The following DTNA variants were observed in gnomAD, a reference collection of about 807,000 sequenced individuals.
DTNA encodes dystrobrevin alpha, also known as dystrophin-related protein 3.
In DTNA, 43 loss-of-function variants were observed where a neutral mutation model predicts 100.7. The observed-to-expected ratio is 0.43, with a 90% CI of 0.33 to 0.55. DTNA has a LOEUF of 0.55. DTNA is among the 20% of genes least tolerant of loss of function. The pLI is 0.04. For missense variants in DTNA, 798 were observed against 953.9 expected (o/e 0.84, Z 2.15); for synonymous variants, 349 against 347.9 (o/e 1.00, Z -0.04).
At chr18:34,541,872 A>G (rs1312828297) in intron 1 of DTNA, among the ~76,000 whole-genome samples, 1 of 152,072 alleles carries the variant, frequency 6.6e-6, no homozygotes, top group Non-Finnish European at 1.5e-5. Context: ...AGAGTAAAAA[A>G]GCTGCAAGGT....
intron 17 of DTNA, among the ~76,000 whole-genome samples, chr18:34,874,889 T>C (rs943444123): frequency 3.9e-5 from 6 of 152,204 alleles, no homozygotes; most frequent in Admixed American, 6.5e-5. Context: ...CTCCTTAATG[T>C]CTTCTTAGTC....
At chr18:34,830,049 C>T (rs993584716) in intron 11 of DTNA, among the ~76,000 whole-genome samples, 7 of 152,094 alleles carry the variant, frequency 4.6e-5, no homozygotes, top group Non-Finnish European at 1.0e-4. Context: ...CTTGATAATG[C>T]TGGTGGTGAA....
chr18:34,697,950 A>G (rs1273747450), intron 1 of DTNA, among the ~76,000 whole-genome samples: 1 of 152,208 alleles, frequency 6.6e-6, no homozygotes, highest in African/African-American at 2.4e-5. Context: ...CATCCTCAGC[A>G]TGTGAAAAGA....
At chr18:34,745,656 G>A (rs370309617) in intron 1 of DTNA, among the ~76,000 whole-genome samples, 1 of 152,120 alleles carries the variant, frequency 6.6e-6, no homozygotes, top group Non-Finnish European at 1.5e-5. Flanking sequence ...TTTGCAGGTC[G>A]CCAGCAAGCT....
rs754959223 is a variant in DTNA at position 34,879,714 on chromosome 18, C to T, written c.2157C>T (p.Gly719=). The T allele has an allele frequency of 2.1e-5, 34 of 1,613,880 alleles. No homozygotes were observed. The highest frequency in any genetic ancestry group is 8.9e-5 in the East Asian group (4 of 44,878). ...HSGATTSTMR[G]DMVTEDADPY... ...GAGCTACCACAAGTACCATGCGTGG[C>T]GACATGTGAGTATCTTCCGCTTGGA... is the stretch of plus-strand genomic sequence containing the variant. Residue 719 remains glycine (G), a synonymous_variant, in exon 20 of 23, where the codon GGC becomes GGT. Coordinates refer to ENST00000444659, the MANE Select transcript of DTNA (RefSeq NM_001386795.1).
At chr18:34,880,719 G>A (rs964142425) in intron 20 of DTNA, among the ~76,000 whole-genome samples, 11 of 152,150 alleles carry the variant, frequency 7.2e-5, no homozygotes, top group Admixed American at 4.6e-4. Context: ...ATTATCAAGA[G>A]GTGTGGTCTG....
chr18:34,753,336 G>GATTTATTTATTT (rs71166025), intron 1 of DTNA, among the ~76,000 whole-genome samples: 2 of 135,496 alleles, frequency 1.5e-5, no homozygotes, highest in Non-Finnish European at 3.1e-5. Flanking sequence ...CATCCTTTGT[G>GATTTATTTATTT]ATTTATTTAT....
intron 2 of DTNA, among the ~76,000 whole-genome samples, chr18:34,759,053 C>G (rs942001092): frequency 6.6e-5 from 10 of 151,904 alleles, no homozygotes; most frequent in Admixed American, 6.6e-4. Flanking sequence ...ATTGGGTGAC[C>G]ACCTACTTTG....
intron 1 of DTNA, among the ~76,000 whole-genome samples, chr18:34,498,194 T>A (rs2039469966): frequency 6.6e-6 from 1 of 152,030 alleles, no homozygotes; most frequent in African/African-American, 2.4e-5. Context: ...AGCGGGCAGA[T>A]CACAAGGTCA....
intron 1 of DTNA, among the ~76,000 whole-genome samples, chr18:34,564,145 C>G (rs774686896): frequency 6.6e-6 from 1 of 151,796 alleles, no homozygotes; most frequent in Non-Finnish European, 1.5e-5. Flanking sequence ...CATGTCCGTA[C>G]TTCCTTTTTT....
intron 1 of DTNA, among the ~76,000 whole-genome samples, chr18:34,531,113 C>T (rs2043099825): frequency 6.6e-6 from 1 of 152,116 alleles, no homozygotes. Flanking sequence ...TGAATGGGAA[C>T]ACAATATTAA....
At position 34,888,798 on chromosome 18, in the gene DTNA, T is replaced by C. The variant is rs1409545271; in HGVS notation, c.*1064T>C. The C allele has an allele frequency of 1.0e-6, 1 of 985,768 alleles. No individual in the cohort carries two copies. Among genetic ancestry groups the C allele is most frequent in the Non-Finnish European group, 1.2e-6 (1 of 829,954 alleles). The allele number at this position is 985,768 out of a possible 1,614,324, so 61.1% of individuals were successfully genotyped here. On this transcript the variant is annotated 3_prime_UTR_variant, in exon 23 of 23. Transcript: ENST00000444659. ...TCGTTCACAAGTTCCCCCATCAAGT[T>C]GTTTGGAGGCCTTCAGCTTTAAATG...
intron 1 of DTNA, among the ~76,000 whole-genome samples, chr18:34,499,883 G>C (rs867564747): frequency 6.6e-6 from 1 of 151,980 alleles, no homozygotes; most frequent in African/African-American, 2.4e-5. Flanking sequence ...TAAGATATGT[G>C]GTTTGCATTG....
chr18:34,590,133 G>C (rs977906201), intron 1 of DTNA, among the ~76,000 whole-genome samples: 3 of 152,066 alleles, frequency 2.0e-5, no homozygotes, highest in Non-Finnish European at 4.4e-5. Flanking sequence ...GAGATTGCTG[G>C]GTATATTTTT....
In DTNA at chr18:34,879,610, G is replaced by C; in HGVS notation, c.2053G>C (p.Asp685His). 1 of 1,614,046 alleles carries C rather than the reference G, an allele frequency of 6.2e-7. No homozygotes were observed. The highest frequency in any genetic ancestry group is 8.5e-7 in the Non-Finnish European group (1 of 1,180,004). Residue 685 changes from aspartate (D) to histidine (H), a missense_variant, in exon 20 of 23, where the codon GAT becomes CAT. Around this residue, in one of 6 missense-constraint regions of DTNA, gnomAD observed 242 missense variants for 238.2 expected, o/e 1.02. Coordinates refer to ENST00000444659, the MANE Select transcript of DTNA (RefSeq NM_001386795.1). ...TGAATTTGCACGGACTCAGTTTGAG[G>C]ATCTTGTTCCCTCACCAACCTCTGA... ...DSEFARTQFE[D>H]LVPSPTSEKA...
At chr18:34,531,478 AT>A (rs2043134826) in intron 1 of DTNA, among the ~76,000 whole-genome samples, 3 of 152,132 alleles carry the variant, frequency 2.0e-5, no homozygotes, top group African/African-American at 7.2e-5. Context: ...AAGCAAAAGT[AT>A]TTTACTCTTC....
At chr18:34,510,000 ACTTCACTCACCC>A (rs1416487659) in intron 1 of DTNA, among the ~76,000 whole-genome samples, 1 of 151,134 alleles carries the variant, frequency 6.6e-6, no homozygotes, top group African/African-American at 2.4e-5. Flanking sequence ...AAATAATCTA[ACTTCACTCACCC>A]AATAGTAGTT....
chr18:34,786,369 A>T lies in DTNA; in HGVS notation c.149-7668A>T, dbSNP rs897934767. Among the ~76,000 whole-genome samples, 4 of 152,208 alleles carry T rather than the reference A, an allele frequency of 2.6e-5. No homozygotes were observed. The East Asian group carries it at 7.7e-4, about 29-fold the overall frequency. ...ACCTGAACTTTGTTCTTGTACTCTG[A>T]AGAGTGTAATTGCAATGGAAATTCA... On this transcript the variant is annotated intron_variant, in intron 3 of 22. Coordinates refer to ENST00000444659, the MANE Select transcript of DTNA (RefSeq NM_001386795.1).
At chr18:34,591,822 A>G (rs2049760069) in intron 1 of DTNA, among the ~76,000 whole-genome samples, 1 of 152,174 alleles carries the variant, frequency 6.6e-6, no homozygotes, top group Non-Finnish European at 1.5e-5. Flanking sequence ...AGTTAGGCTA[A>G]AAGGCTAAAA....
Sources: allele counts gnomAD v4.1 joint callset (sites outside exome capture counted in the v4.1 genomes callset), GRCh38; gene constraint gnomAD v4.1.1; regional missense constraint gnomAD v4.1.1; transcripts MANE v1.5; gene names NCBI Gene and HGNC (gene_info 2026-07-23, HGNC 2026-07-21).